TENM1: variants seen among roughly 807,000 people sequenced by gnomAD.
TENM1 encodes teneurin-1.
Under a neutral mutation model 174.8 loss-of-function variants are expected in TENM1, and 35 were observed. The ratio of observed to expected loss-of-function variants is 0.20; its 90% CI spans 0.15 to 0.27. The LOEUF (loss-of-function observed/expected upper bound fraction) is 0.27, where lower values mean the gene tolerates loss of function less well. TENM1 is among the 10% of genes least tolerant of loss of function. TENM1 has a pLI of 1.00. For missense variants in TENM1, 1,633 were observed against 2,130.1 expected, an observed-to-expected ratio of 0.77 and a Z score of 4.59; for synonymous variants, 781 against 798.7, an observed-to-expected ratio of 0.98 and a Z score of 0.37.
chrX:124,747,936 A>G (rs2053964180), intron 3 of TENM1, among the ~76,000 whole-genome samples: 1 of 111,774 alleles, frequency 8.9e-6, no homozygotes, highest in Non-Finnish European at 1.9e-5. Context: ...AAATGAAATT[A>G]AAATGCAAGC....
the TENM1 span, among the ~76,000 whole-genome samples, chrX:125,167,754 G>A: frequency 9.0e-6 from 1 of 110,961 alleles, no homozygotes; most frequent in Non-Finnish European, 1.9e-5. Flanking sequence ...GTAATAAATA[G>A]AAAAAGATTA....
At chrX:124,383,866 G>A (rs1485554170) in exon 30 of TENM1, 7 of 1,209,639 alleles carry the variant, frequency 5.8e-6, no homozygotes, top group Non-Finnish European at 7.8e-6. Context: ...CAGGGTAAGT[G>A]TCATGATAGA....
chrX:124,772,294 C>T (rs1487312678), intron 3 of TENM1, among the ~76,000 whole-genome samples: 1 of 111,209 alleles, frequency 9.0e-6, no homozygotes, highest in Admixed American at 9.6e-5. Flanking sequence ...CGCCACCACA[C>T]CCGGATAATT....
chrX:124,396,422 C>T (rs2060335063), intron 27 of TENM1, among the ~76,000 whole-genome samples: 1 of 108,140 alleles, frequency 9.2e-6, no homozygotes, highest in Non-Finnish European at 1.9e-5. Flanking sequence ...CTGCCTCAGC[C>T]TCCCGAGTAG....
intron 3 of TENM1, among the ~76,000 whole-genome samples, chrX:124,834,522 T>C (rs935188188): frequency 2.7e-5 from 3 of 111,524 alleles, no homozygotes; most frequent in Admixed American, 9.5e-5. Flanking sequence ...AGGAACTGCC[T>C]CTACTTTCCC....
chrX:125,119,929 T>G, the TENM1 span, among the ~76,000 whole-genome samples: 7 of 111,756 alleles, frequency 6.3e-5, no homozygotes, highest in Non-Finnish European at 1.3e-4. Flanking sequence ...AGTATCAGCA[T>G]GTACTAAACT....
intron 11 of TENM1, among the ~76,000 whole-genome samples, chrX:124,600,892 A>G (rs182819585): frequency 1.2e-3 from 136 of 111,831 alleles, no homozygotes; most frequent in Non-Finnish European, 2.4e-3. Context: ...TGTTGCTGGG[A>G]TATGTGATGA....
At chrX:124,530,796 T>TA (rs1367028512) in intron 15 of TENM1, among the ~76,000 whole-genome samples, 1 of 112,188 alleles carries the variant, frequency 8.9e-6, no homozygotes, top group East Asian at 2.8e-4. Flanking sequence ...CCATCCTTAC[T>TA]AAAAAATGGA....
At chrX:124,546,419 T>C (rs958035590) in intron 15 of TENM1, among the ~76,000 whole-genome samples, 3 of 112,095 alleles carry the variant, frequency 2.7e-5, no homozygotes, top group Non-Finnish European at 5.6e-5. Flanking sequence ...TGACAATTCA[T>C]GCATTTGAGC....
intron 3 of TENM1, among the ~76,000 whole-genome samples, chrX:124,883,159 T>C (rs1195209163): frequency 8.9e-6 from 1 of 112,123 alleles, no homozygotes; most frequent in African/African-American, 3.2e-5. Context: ...ACATTGATAT[T>C]TGTGCATCAG....
the TENM1 span, among the ~76,000 whole-genome samples, chrX:125,045,325 G>A: frequency 9.0e-6 from 1 of 110,972 alleles, no homozygotes; most frequent in African/African-American, 3.3e-5. Context: ...GCTCCATAGC[G>A]TTAGTATTCC....
At chrX:125,179,445 C>T in the TENM1 span, among the ~76,000 whole-genome samples, 2 of 70,936 alleles carry the variant, frequency 2.8e-5, no homozygotes, top group African/African-American at 1.1e-4. Flanking sequence ...GAGACCCCAT[C>T]TCTACAAAAA....
chrX:124,893,523 G>T (rs916990132), intron 3 of TENM1, among the ~76,000 whole-genome samples: 44 of 112,249 alleles, frequency 3.9e-4, no homozygotes, highest in African/African-American at 1.4e-3. Flanking sequence ...TAAAAACACT[G>T]TTCTAAATCC....
intron 14 of TENM1, among the ~76,000 whole-genome samples, chrX:124,559,899 T>C (rs1265556043): frequency 9.0e-6 from 1 of 110,909 alleles, no homozygotes; most frequent in African/African-American, 3.3e-5. Flanking sequence ...ATCAACACCA[T>C]GGGTAATTGA....
intron 11 of TENM1, among the ~76,000 whole-genome samples, chrX:124,578,408 T>C (rs1268863079): frequency 9.0e-6 from 1 of 111,601 alleles, no homozygotes; most frequent in East Asian, 2.8e-4. Flanking sequence ...AGCATAGTGA[T>C]TAAGAGTACG....
the TENM1 span, among the ~76,000 whole-genome samples, chrX:125,056,446 T>A: frequency 1.8e-5 from 2 of 111,699 alleles, no homozygotes; most frequent in African/African-American, 6.5e-5. Flanking sequence ...TAGACTTTTT[T>A]AAATAATAGA....
intron 3 of TENM1, among the ~76,000 whole-genome samples, chrX:124,791,949 T>C (rs1406081083): frequency 3.6e-5 from 4 of 111,111 alleles, no homozygotes; most frequent in African/African-American, 1.3e-4. Flanking sequence ...TTCAGGGAGA[T>C]GTTAACCTTC....
chrX:124,444,871 T>G (rs1388480965), intron 23 of TENM1, among the ~76,000 whole-genome samples: 2 of 110,591 alleles, frequency 1.8e-5, no homozygotes, highest in East Asian at 5.7e-4. Context: ...CATGAAAGAG[T>G]TGTTTTCTTG....
At chrX:124,502,787 G>A (rs1450305338) in intron 19 of TENM1, among the ~76,000 whole-genome samples, 1 of 112,083 alleles carries the variant, frequency 8.9e-6, no homozygotes, top group Non-Finnish European at 1.9e-5. Flanking sequence ...TATAGTAGGC[G>A]GTCTCTTTCT....
Sources: allele counts gnomAD v4.1 joint callset (sites outside exome capture counted in the v4.1 genomes callset), GRCh38; gene constraint gnomAD v4.1.1; transcripts MANE v1.5; gene names NCBI Gene and HGNC (gene_info 2026-07-23, HGNC 2026-07-21).